Variants in PLA2G6 observed in about 807,000 individuals in gnomAD.
PLA2G6 encodes 85/88 kDa calcium-independent phospholipase A2.
Under a neutral mutation model 83.8 loss-of-function variants are expected in PLA2G6, and 62 were observed. The ratio of observed to expected loss-of-function variants is 0.74; its 90% CI spans 0.60 to 0.91. PLA2G6 has a LOEUF of 0.91. Among genes scored for constraint, PLA2G6 ranks in the 40% least tolerant of loss-of-function variants. The probability of loss-of-function intolerance (pLI) is 0.00; values close to 1 mark genes in which losing one functional copy is unlikely to be tolerated. For missense variants in PLA2G6, 944 were observed against 1,102.0 expected (o/e 0.86, Z 2.03); for synonymous variants, 417 against 449.8 (o/e 0.93, Z 0.92).
At chr22:38,116,457 C>T (rs1475500694) in intron 12 of PLA2G6, 5 of 672,226 alleles carry the variant, frequency 7.4e-6, no homozygotes, top group Non-Finnish European at 1.4e-5. Context: ...AAAGGCTAAT[C>T]CAATGGAAAA....
chr22:38,112,001 A>G lies in PLA2G6; in HGVS notation c.*160T>C, dbSNP rs886057500. On this transcript the variant is annotated 3_prime_UTR_variant, in exon 17 of 17. Transcript: ENST00000332509. ...CGGGGTTAGTGGGAGACAGGCCTTC[A>G]GGACCAGCCTCGGGCAGGCAGCTTG... 1.7e-5 allele frequency: 14 copies of G among 803,746 alleles called. No individual in the cohort carries two copies. Among genetic ancestry groups the G allele is most frequent in the Admixed American group, 1.3e-4 (6 of 46,056 alleles). 49.8% of individuals were successfully genotyped at this position (803,746 alleles called of 1,614,324 possible).
At chr22:38,164,735 C>A (rs764308149) in intron 2 of PLA2G6, among the ~76,000 whole-genome samples, 22 of 152,152 alleles carry the variant, frequency 1.4e-4, no homozygotes, top group South Asian at 6.2e-4. Flanking sequence ...GGCTAGCAGC[C>A]CATGCTCACT....
Position 38,143,292 on chromosome 22 carries a change from C to T in PLA2G6, c.426-4G>A, listed in dbSNP as rs2089033477. The T allele has an allele frequency of 2.5e-6, 4 of 1,610,204 alleles. No homozygotes were observed. Among genetic ancestry groups the T allele is most frequent in the Non-Finnish European group, 3.4e-6 (4 of 1,179,976 alleles). On this transcript the variant is annotated splice_polypyrimidine_tract_variant and splice_region_variant and intron_variant, in intron 3 of 16. Coordinates refer to ENST00000332509, the MANE Select transcript of PLA2G6 (RefSeq NM_003560.4). ...GTTCTCCGCGCAATTGGCACAGCTGCAGGAGAGGGCCAGGGTGAGCAGAGG... is the reference window on the plus strand; with the variant it reads ...GTTCTCCGCGCAATTGGCACAGCTGTAGGAGAGGGCCAGGGTGAGCAGAGG...
chr22:38,145,040 T>C (rs1409311830), intron 3 of PLA2G6: 3 of 266,108 alleles, frequency 1.1e-5, no homozygotes, highest in South Asian at 3.3e-5. Context: ...ACCTTTTTTT[T>C]TTTTTTTTTT....
intron 2 of PLA2G6, among the ~76,000 whole-genome samples, chr22:38,162,319 T>C (rs1221606868): frequency 1.3e-5 from 2 of 150,832 alleles, no homozygotes; most frequent in Admixed American, 6.6e-5. Flanking sequence ...GGGGTGGTGA[T>C]GCCAGGATGA....
chr22:38,180,534 G>C (rs969133298), intron 1 of PLA2G6: 1 of 152,220 alleles, frequency 6.6e-6, no homozygotes, highest in African/African-American at 2.4e-5. Context: ...AACATATACA[G>C]AAGAGCCTGA....
At chr22:38,179,261 A>G (rs1298465489) in intron 1 of PLA2G6, among the ~76,000 whole-genome samples, 1 of 152,230 alleles carries the variant, frequency 6.6e-6, no homozygotes, top group African/African-American at 2.4e-5. Context: ...GGCATGTGCC[A>G]TGAGAGGAGA....
chr22:38,113,625 GGA>G lies in PLA2G6; in HGVS notation c.2062_2063del (p.Ser688HisfsTer84). ...KGQANKVKKL[S>X]IVVSLGTGRS... The stretch of plus-strand genomic sequence containing the variant: ...TCCCTGTCCCCAGGGAGACAACGAT[GGA>G]GAGTTTCTTCACCTTGTTGGCCTGA... On this transcript the variant is annotated frameshift_variant, in exon 15 of 17. Transcript: ENST00000332509. LOFTEE classifies it high-confidence loss of function. 1 of 1,613,940 alleles carries G rather than the reference GGA, an allele frequency of 6.2e-7. No individual in the cohort carries two copies. The highest frequency in any genetic ancestry group is 1.3e-5 in the African/African-American group (1 of 75,046).
In PLA2G6 at chr22:38,132,752, G is replaced by T; in HGVS notation, c.1077+79C>A. The T allele has an allele frequency of 8.0e-7, 1 of 1,244,288 alleles. No individual in the cohort carries two copies. Among genetic ancestry groups the T allele is most frequent in the Non-Finnish European group, 1.1e-6 (1 of 887,224 alleles). 77.1% of individuals were successfully genotyped at this position (1,244,288 alleles called of 1,614,324 possible). Reference sequence around the variant, plus strand: ...CTGACGATAGGAGGGAGACAGTGGGGAGGAGGGCTCCAGTCCGGACAGCCC... The same window carrying T: ...CTGACGATAGGAGGGAGACAGTGGGTAGGAGGGCTCCAGTCCGGACAGCCC... On this transcript the variant is annotated intron_variant, in intron 7 of 16. Coordinates refer to ENST00000332509, the MANE Select transcript of PLA2G6 (RefSeq NM_003560.4). This position sits in a 1 kb window ranked among gnomAD's most constrained non-coding sequence, Gnocchi z 5.0.
intron 2 of PLA2G6, among the ~76,000 whole-genome samples, chr22:38,163,257 C>G (rs1275501299): frequency 1.3e-5 from 2 of 152,198 alleles, no homozygotes; most frequent in East Asian, 3.8e-4. Flanking sequence ...AGTACCTTGT[C>G]TCTGTAGGGC....
At position 38,123,035 on chromosome 22, in the gene PLA2G6, G is replaced by A. The variant is rs934212000; in HGVS notation, c.1591+60C>T. 7 of 1,471,960 alleles carry A rather than the reference G, an allele frequency of 4.8e-6. No homozygotes were observed. Among genetic ancestry groups the A allele is most frequent in the South Asian group, 3.6e-5 (3 of 82,524 alleles). The allele number at this position is 1,471,960 out of a possible 1,614,324, so 91.2% of individuals were successfully genotyped here. ...TTTGCAAAGCCCTGAAGACAAACTCGGCCCCTTGAGGACACAGGTCTCAGC... is the reference window on the plus strand; with the variant it reads ...TTTGCAAAGCCCTGAAGACAAACTCAGCCCCTTGAGGACACAGGTCTCAGC... On this transcript the variant is annotated intron_variant, in intron 11 of 16. Transcript: ENST00000332509. The surrounding 1 kb of genome is among the most constrained non-coding windows in gnomAD (Gnocchi z 4.1).
At chr22:38,127,422 C>A (rs769913497) in intron 9 of PLA2G6, 3 of 1,328,574 alleles carry the variant, frequency 2.3e-6, no homozygotes, top group East Asian at 1.0e-4. Flanking sequence ...TGACGCCGCA[C>A]CCCAGGCCCA....
intron 1 of PLA2G6, among the ~76,000 whole-genome samples, chr22:38,180,128 T>C (rs1275293301): frequency 2.1e-5 from 3 of 144,316 alleles, no homozygotes; most frequent in Admixed American, 7.1e-5. Flanking sequence ...ACACACCCAA[T>C]AGATGTCTGC....
At chr22:38,169,550 A>G in intron 1 of PLA2G6, 79 bp from the exon 2 acceptor site, 1 of 787,386 alleles carries the variant, frequency 1.3e-6, no homozygotes, top group East Asian at 2.7e-5. Context: ...TTTCCTGCAC[A>G]GACACCCAGA....
intron 15 of PLA2G6, 33 bp downstream of exon 15, chr22:38,113,454 G>A (rs2087001844): frequency 6.2e-7 from 1 of 1,610,080 alleles, no homozygotes; most frequent in Non-Finnish European, 8.5e-7. Flanking sequence ...CAGACCCTGA[G>A]GGAAGTGGCC....
At chr22:38,125,972 G>A (rs545651815) in intron 10 of PLA2G6, among the ~76,000 whole-genome samples, 1 of 152,330 alleles carries the variant, frequency 6.6e-6, no homozygotes, top group Admixed American at 6.5e-5. Flanking sequence ...GGGGAAGGCA[G>A]CCCACGCCAC....
intron 4 of PLA2G6, chr22:38,141,376 AGG>A (rs1438831365): frequency 6.6e-6 from 1 of 152,296 alleles, no homozygotes; most frequent in African/African-American, 2.4e-5. Flanking sequence ...AAGTGCTAGG[AGG>A]GTTTTACTGT....
At chr22:38,163,969 A>G (rs1399930245) in intron 2 of PLA2G6, among the ~76,000 whole-genome samples, 3 of 152,044 alleles carry the variant, frequency 2.0e-5, no homozygotes, top group Admixed American at 1.3e-4. Context: ...CCCGGTAGGG[A>G]AGCACAGATC....
chr22:38,122,770 C>A (rs149653817), intron 11 of PLA2G6, among the ~76,000 whole-genome samples: 3 of 152,176 alleles, frequency 2.0e-5, no homozygotes, highest in Non-Finnish European at 4.4e-5. Context: ...GGCTGTGTGG[C>A]CCCTGGTGCC....
Sources: gnomAD v4.1 joint callset for allele counts (sites outside exome capture counted in the v4.1 genomes callset) on GRCh38, gnomAD v4.1.1 for gene constraint, Gnocchi (gnomAD v3.1) non-coding constraint, MANE v1.5 for transcripts, NCBI Gene and HGNC (gene_info 2026-07-23, HGNC 2026-07-21) for gene names.